DGKI: variants seen among roughly 807,000 people sequenced by gnomAD.
DGKI encodes the protein diacylglycerol kinase iota.
DGKI carries 55 observed loss-of-function variants against 147.5 expected under a neutral mutation model. That is an observed-to-expected ratio of 0.37 (90% CI 0.30 to 0.47). DGKI has a LOEUF of 0.47. Ranked by LOEUF, DGKI falls within the 20% of genes least tolerant of loss-of-function variation. DGKI has a pLI of 1.00. For missense variants in DGKI, 1,007 were observed against 1,323.8 expected, an observed-to-expected ratio of 0.76 and a Z score of 3.71; for synonymous variants, 469 against 477.1, an observed-to-expected ratio of 0.98 and a Z score of 0.22.
chr7:137,515,584 A>G (rs928292371), intron 21 of DGKI, among the ~76,000 whole-genome samples: 12 of 152,164 alleles, frequency 7.9e-5, no homozygotes, highest in Non-Finnish European at 1.5e-4. Context: ...TTATGTTATT[A>G]AAGACATTTA....
At chr7:137,605,605 A>G (rs528924741) in intron 10 of DGKI, among the ~76,000 whole-genome samples, 5 of 152,318 alleles carry the variant, frequency 3.3e-5, no homozygotes, top group African/African-American at 1.2e-4. Flanking sequence ...GTATATATAC[A>G]TAATAAAATA....
At chr7:137,469,498 G>T in intron 24 of DGKI, 52 bp downstream of exon 24, 1 of 1,580,570 alleles carries the variant, frequency 6.3e-7, no homozygotes, top group Non-Finnish European at 8.7e-7. Context: ...TTGATGCCTT[G>T]CTCTTCAACT....
chr7:137,678,651 T>G lies in DGKI; in HGVS notation c.512A>C (p.Glu171Ala), dbSNP rs367735798. The stretch of plus-strand genomic sequence containing the variant: ...CAGGTGTTCTCCATTCACGGCATTC[T>G]CCTGCAAGGAAAAGACCCACCTGAC... Reference protein sequence around the residue: ...KEPRATLDWSENAVNGEHLWL... With the variant: ...KEPRATLDWSANAVNGEHLWL... The change falls in exon 3 of 33, where the codon GAG (glutamate) becomes GCG (alanine). Residue 171 changes from glutamate to alanine, a missense_variant and splice_region_variant. This residue lies in a region of DGKI where 259 missense variants were observed against 362.5 expected (regional missense o/e 0.71). Coordinates refer to ENST00000614521, the MANE Select transcript of DGKI (RefSeq NM_001321708.2). 8.7e-6 allele frequency: 14 copies of G among 1,613,798 alleles called. No homozygotes were observed. The highest frequency in any genetic ancestry group is 1.3e-5 in the African/African-American group (1 of 74,860).
chr7:137,825,976 A>T (rs1204003221), intron 1 of DGKI, among the ~76,000 whole-genome samples: 1 of 152,246 alleles, frequency 6.6e-6, no homozygotes, highest in African/African-American at 2.4e-5. Context: ...GTTGACTAGA[A>T]TTATGAACTT....
intron 28 of DGKI, among the ~76,000 whole-genome samples, chr7:137,413,223 G>A (rs1024773769): frequency 3.5e-5 from 5 of 142,188 alleles, no homozygotes; most frequent in South Asian, 4.4e-4. Flanking sequence ...CGGAGATCGC[G>A]CCACTGCCCT....
At chr7:137,447,891 C>T (rs1264384064) in intron 27 of DGKI, among the ~76,000 whole-genome samples, 5 of 151,964 alleles carry the variant, frequency 3.3e-5, no homozygotes, top group African/African-American at 1.2e-4. Context: ...GTTAGTAACA[C>T]AGAAAAAAAA....
intron 20 of DGKI, among the ~76,000 whole-genome samples, chr7:137,550,167 G>T (rs1468097543): frequency 7.2e-6 from 1 of 138,030 alleles, no homozygotes. Context: ...TGTTGTTTGA[G>T]TTTTTTTTTT....
chr7:137,663,751 G>A (rs1257083357), intron 3 of DGKI, among the ~76,000 whole-genome samples: 1 of 152,150 alleles, frequency 6.6e-6, no homozygotes, highest in Non-Finnish European at 1.5e-5. Context: ...AAGCCATGGG[G>A]TTCAAAATTA....
chr7:137,572,496 T>C (rs954282156), intron 18 of DGKI, among the ~76,000 whole-genome samples: 5 of 152,160 alleles, frequency 3.3e-5, no homozygotes, highest in Non-Finnish European at 5.9e-5. Context: ...TAGAAATAAA[T>C]TAAGATGTTC....
At chr7:137,611,097 G>A (rs543906498) in intron 8 of DGKI, among the ~76,000 whole-genome samples, 1 of 152,090 alleles carries the variant, frequency 6.6e-6, no homozygotes, top group East Asian at 1.9e-4. Flanking sequence ...CTTTTATCAT[G>A]TCCCTCACTG....
chr7:137,610,134 G>A (rs567905555), intron 8 of DGKI, among the ~76,000 whole-genome samples: 2 of 151,176 alleles, frequency 1.3e-5, no homozygotes, highest in African/African-American at 2.4e-5. Context: ...GACCCTACTC[G>A]AAATTTATGA....
chr7:137,683,955 G>A (rs562179707), intron 2 of DGKI, among the ~76,000 whole-genome samples: 2 of 152,300 alleles, frequency 1.3e-5, no homozygotes, highest in East Asian at 1.9e-4. Flanking sequence ...CAAAGGTGAG[G>A]TGAGTGTTTG....
intron 27 of DGKI, among the ~76,000 whole-genome samples, chr7:137,449,876 T>C (rs1009631832): frequency 2.0e-5 from 3 of 152,162 alleles, no homozygotes; most frequent in African/African-American, 7.2e-5. Context: ...AGATATGGAA[T>C]CAACCTAAGT....
chr7:137,427,324 C>A (rs956305081), intron 28 of DGKI, among the ~76,000 whole-genome samples: 3 of 152,132 alleles, frequency 2.0e-5, no homozygotes, highest in Non-Finnish European at 4.4e-5. Context: ...GAAACGAAGG[C>A]AGAAATAAAG....
intron 15 of DGKI, among the ~76,000 whole-genome samples, chr7:137,581,491 G>C (rs1485363445): frequency 6.6e-6 from 1 of 152,060 alleles, no homozygotes; most frequent in Non-Finnish European, 1.5e-5. Flanking sequence ...GAATATCCTA[G>C]TGACTTCAGT....
intron 15 of DGKI, 24 bp from the exon 16 acceptor site, chr7:137,578,349 T>C (rs756880326): frequency 1.3e-6 from 2 of 1,597,018 alleles, no homozygotes; most frequent in Non-Finnish European, 1.7e-6. Flanking sequence ...AAAGTAGTTT[T>C]GTTATGGAGA....
intron 21 of DGKI, among the ~76,000 whole-genome samples, chr7:137,488,255 C>T (rs2128936732): frequency 6.6e-6 from 1 of 152,048 alleles, no homozygotes; most frequent in South Asian, 2.1e-4. Flanking sequence ...GAACTAAAGG[C>T]ATAAAATGTT....
At chr7:137,669,204 T>G (rs143753528) in intron 3 of DGKI, among the ~76,000 whole-genome samples, 73 of 152,256 alleles carry the variant, frequency 4.8e-4, no homozygotes, top group African/African-American at 1.7e-3. Flanking sequence ...GATTTTCCAT[T>G]TCCTCGTGTT....
intron 19 of DGKI, among the ~76,000 whole-genome samples, chr7:137,566,445 G>A (rs2128973598): frequency 6.6e-6 from 1 of 152,144 alleles, no homozygotes; most frequent in South Asian, 2.1e-4. Flanking sequence ...AGAAATATAT[G>A]CCAGTATACA....
Sources: allele counts gnomAD v4.1 joint callset (sites outside exome capture counted in the v4.1 genomes callset), GRCh38; gene constraint gnomAD v4.1.1; regional missense constraint gnomAD v4.1.1; transcripts MANE v1.5; gene names NCBI Gene and HGNC (gene_info 2026-07-23, HGNC 2026-07-21).